Variants in CEP162 observed in about 807,000 individuals in gnomAD.
The protein encoded by CEP162 is centrosomal protein 162.
Under a neutral mutation model 169.2 loss-of-function variants are expected in CEP162, and 141 were observed. The ratio of observed to expected loss-of-function variants is 0.83; its 90% CI spans 0.73 to 0.96. CEP162 has a LOEUF of 0.96. CEP162 is among the 40% of genes least tolerant of loss of function. The pLI, the probability that CEP162 is intolerant of heterozygous loss-of-function variation, is 0.00. For missense variants in CEP162, 1,600 were observed against 1,587.2 expected (o/e 1.01, Z -0.14); for synonymous variants, 540 against 526.4 (o/e 1.03, Z -0.35).
At chr6:84,191,856 C>T (rs1002930571) in intron 11 of CEP162, among the ~76,000 whole-genome samples, 15 of 152,270 alleles carry the variant, frequency 9.9e-5, no homozygotes, top group African/African-American at 2.4e-4. Context: ...CAGAAACAAA[C>T]GACATTTCAC....
chr6:84,161,323 G>A (rs1461069800), intron 20 of CEP162, among the ~76,000 whole-genome samples: 4 of 152,136 alleles, frequency 2.6e-5, no homozygotes, highest in Non-Finnish European at 4.4e-5. Context: ...GTCAGGAAAC[G>A]TCTTTTCTAG....
intron 18 of CEP162, among the ~76,000 whole-genome samples, chr6:84,168,133 T>C (rs1471377189): frequency 6.6e-6 from 1 of 152,160 alleles, no homozygotes; most frequent in Non-Finnish European, 1.5e-5. Context: ...TTTTAAAAGG[T>C]AAAAACAACA....
At chr6:84,194,375 A>G (rs537325315) in intron 10 of CEP162, among the ~76,000 whole-genome samples, 38 of 142,802 alleles carry the variant, frequency 2.7e-4, no homozygotes, top group Admixed American at 2.6e-3. Flanking sequence ...AAAGAAAAGA[A>G]AAGAAAGTGA....
chr6:84,222,135 CT>C (rs2099553961), intron 2 of CEP162, among the ~76,000 whole-genome samples: 1 of 152,100 alleles, frequency 6.6e-6, no homozygotes, highest in Non-Finnish European at 1.5e-5. Flanking sequence ...GATATACCAA[CT>C]CCTTGAGTTC....
At chr6:84,141,061 C>T (rs1051675451) in intron 25 of CEP162, among the ~76,000 whole-genome samples, 7 of 152,210 alleles carry the variant, frequency 4.6e-5, no homozygotes, top group South Asian at 2.1e-4. Context: ...AATCTAATGC[C>T]GCCACTGATC....
chr6:84,194,054 C>T (rs770391939), intron 10 of CEP162, among the ~76,000 whole-genome samples: 2 of 152,028 alleles, frequency 1.3e-5, no homozygotes, highest in Non-Finnish European at 2.9e-5. Context: ...TTGATCAAGG[C>T]ATATTAGAAA....
At chr6:84,226,037 AGTT>A (rs2099555602) in intron 2 of CEP162, among the ~76,000 whole-genome samples, 1 of 148,466 alleles carries the variant, frequency 6.7e-6, no homozygotes, top group Non-Finnish European at 1.5e-5. Flanking sequence ...GGTAAGGAGG[AGTT>A]GTTTGTTTTT....
intron 18 of CEP162, among the ~76,000 whole-genome samples, chr6:84,168,139 C>A (rs1313472755): frequency 6.6e-6 from 1 of 152,036 alleles, no homozygotes; most frequent in South Asian, 2.1e-4. Flanking sequence ...AAGGTAAAAA[C>A]AACAGCCTTT....
At chr6:84,125,478 C>T (rs74536587) in intron 26 of CEP162, among the ~76,000 whole-genome samples, 1 of 152,058 alleles carries the variant, frequency 6.6e-6, no homozygotes, top group Admixed American at 6.6e-5. Flanking sequence ...GTGTCCCCCT[C>T]AAATTCATAT....
chr6:84,207,754 A>C (rs145960272), intron 6 of CEP162, among the ~76,000 whole-genome samples: 3,995 of 152,198 alleles, frequency 0.026, 163 homozygotes, highest in African/African-American at 0.092. Context: ...ATTTAATGAG[A>C]GTTCAATTTA....
chr6:84,180,714 G>C (rs1372395920), intron 13 of CEP162, among the ~76,000 whole-genome samples: 1 of 151,934 alleles, frequency 6.6e-6, no homozygotes, highest in Admixed American at 6.6e-5. Flanking sequence ...GACAAACAGA[G>C]AGCCAAATCA....
chr6:84,135,326 AC>A (rs1193202156), intron 25 of CEP162, among the ~76,000 whole-genome samples: 2 of 152,194 alleles, frequency 1.3e-5, no homozygotes, highest in Non-Finnish European at 2.9e-5. Context: ...AGAGTGATTC[AC>A]CCAGATGATG....
At chr6:84,164,417 C>T (rs573241298) in intron 18 of CEP162, among the ~76,000 whole-genome samples, 1 of 152,232 alleles carries the variant, frequency 6.6e-6, no homozygotes, top group Non-Finnish European at 1.5e-5. Context: ...TATTGCAGCA[C>T]TATGTACAAT....
At chr6:84,132,165 T>C (rs887992650) in intron 25 of CEP162, among the ~76,000 whole-genome samples, 4 of 152,240 alleles carry the variant, frequency 2.6e-5, no homozygotes, top group Non-Finnish European at 4.4e-5. Context: ...TGTTGAATGT[T>C]GGCCCCCACT....
chr6:84,220,875 T>C (rs1047316463), intron 3 of CEP162, among the ~76,000 whole-genome samples, 182 bp downstream of exon 3: 2 of 152,190 alleles, frequency 1.3e-5, no homozygotes, highest in Non-Finnish European at 2.9e-5. Context: ...ATAACGCAGA[T>C]TCTCAATTAC....
intron 9 of CEP162, among the ~76,000 whole-genome samples, chr6:84,199,303 C>T (rs914908948): frequency 6.6e-6 from 1 of 151,926 alleles, no homozygotes; most frequent in Admixed American, 6.6e-5. Flanking sequence ...AAAATTATGT[C>T]TTATAGTTGT....
chr6:84,197,842 A>AAAAAAG (rs1554181653), intron 9 of CEP162, among the ~76,000 whole-genome samples: 2 of 150,786 alleles, frequency 1.3e-5, no homozygotes, highest in Admixed American at 6.6e-5. Flanking sequence ...AAAAAAAAAA[A>AAAAAAG]AGAGAGAAAG....
At chr6:84,223,672 C>T (rs1034248030) in intron 2 of CEP162, among the ~76,000 whole-genome samples, 17 of 151,624 alleles carry the variant, frequency 1.1e-4, no homozygotes, top group African/African-American at 3.2e-4. Flanking sequence ...TTTGAGAGGC[C>T]GAGGCAGGCG....
chr6:84,223,569 G>A lies in CEP162; in HGVS notation c.58-2398C>T, dbSNP rs57371199. On this transcript the variant is annotated intron_variant, in intron 2 of 26. Transcript: ENST00000403245. Reference sequence around the variant, plus strand: ...ATAAATAGAAATAAAACAACAAAAAGGCTGATTCTCAGATACAACAGTTGT... The same window carrying A: ...ATAAATAGAAATAAAACAACAAAAAAGCTGATTCTCAGATACAACAGTTGT... Among the ~76,000 whole-genome samples, 523 of 150,942 alleles carry A rather than the reference G, an allele frequency of 3.5e-3. 3 individuals carry two copies. The highest frequency in any genetic ancestry group is 0.012 in the African/African-American group (481 of 41,188).
Sources: gnomAD v4.1 joint callset for allele counts (sites outside exome capture counted in the v4.1 genomes callset) on GRCh38, gnomAD v4.1.1 for gene constraint, MANE v1.5 for transcripts, NCBI Gene and HGNC (gene_info 2026-07-23, HGNC 2026-07-21) for gene names.